Variants in TLL2 observed in about 807,000 individuals in gnomAD.
TLL2 encodes the protein tolloid like 2, also known as tolloid-like protein 2.
In TLL2, 106 loss-of-function variants were observed where a neutral mutation model predicts 123.0. That is an observed-to-expected ratio of 0.86 (90% confidence interval 0.74 to 1.01). The LOEUF (loss-of-function observed/expected upper bound fraction) is 1.01, where lower values mean the gene tolerates loss of function less well. Ranked by LOEUF, TLL2 falls within the 50% of genes least tolerant of loss-of-function variation. The pLI is 0.00. For synonymous variants in TLL2, 494 were observed against 516.8 expected (o/e 0.96, Z 0.60); for missense variants, 1,332 against 1,336.7 (o/e 1.00, Z 0.06).
intron 1 of TLL2, among the ~76,000 whole-genome samples, chr10:96,506,268 A>G (rs1339364162): frequency 1.6e-5 from 2 of 122,482 alleles, no homozygotes; most frequent in African/African-American, 5.9e-5. Flanking sequence ...AAAAAAAAGA[A>G]AAAAAAAAAA....
At chr10:96,410,303 C>T in intron 9 of TLL2, 56 bp downstream of exon 9, 1 of 1,334,822 alleles carries the variant, frequency 7.5e-7, no homozygotes, top group South Asian at 1.2e-5. Flanking sequence ...GAACTCCTCC[C>T]ACCTCACCCA....
intron 16 of TLL2, among the ~76,000 whole-genome samples, chr10:96,383,184 G>A (rs544808384): frequency 1.3e-5 from 2 of 152,322 alleles, no homozygotes; most frequent in East Asian, 3.9e-4. Flanking sequence ...ACGCTAAGGA[G>A]AATGGGCTTT....
chr10:96,416,984 G>A (rs1325280794), intron 7 of TLL2, among the ~76,000 whole-genome samples: 1 of 152,160 alleles, frequency 6.6e-6, no homozygotes, highest in Non-Finnish European at 1.5e-5. Flanking sequence ...CAAAGAGACC[G>A]CTCCCCACAG....
At chr10:96,476,240 A>ATATATATATATATATATTCT in intron 2 of TLL2, among the ~76,000 whole-genome samples, 8 of 20,490 alleles carry the variant, frequency 3.9e-4, no homozygotes, top group Admixed American at 1.0e-3. Flanking sequence ...ATATATATAT[A>ATATATATATATATATATTCT]TTTTATTTTT....
intron 3 of TLL2, among the ~76,000 whole-genome samples, chr10:96,433,910 G>A (rs774746902): frequency 7.9e-5 from 12 of 152,082 alleles, no homozygotes; most frequent in Non-Finnish European, 1.3e-4. Flanking sequence ...CGAGTAGTTG[G>A]TATAACAGGC....
chr10:96,417,650 G>A (rs905652637), intron 7 of TLL2, among the ~76,000 whole-genome samples: 9 of 152,152 alleles, frequency 5.9e-5, no homozygotes, highest in African/African-American at 2.2e-4. Context: ...TGCTCTCTTG[G>A]AACTGTGAGT....
chr10:96,488,899 A>G (rs1299626926), intron 1 of TLL2, among the ~76,000 whole-genome samples: 8 of 152,198 alleles, frequency 5.3e-5, no homozygotes, highest in African/African-American at 1.9e-4. Flanking sequence ...GATACTCTAA[A>G]TAAACCAAAG....
chr10:96,443,375 T>C (rs1270386855), intron 3 of TLL2, among the ~76,000 whole-genome samples: 3 of 152,158 alleles, frequency 2.0e-5, no homozygotes, highest in Non-Finnish European at 2.9e-5. Flanking sequence ...CACCATGCTA[T>C]GAAAAGTTTC....
chr10:96,379,925 A>G (rs897178811), intron 16 of TLL2, among the ~76,000 whole-genome samples: 8 of 152,232 alleles, frequency 5.3e-5, no homozygotes, highest in African/African-American at 1.9e-4. Flanking sequence ...CCTGGGCTCA[A>G]GTGCCGCGAC....
At chr10:96,476,170 A>T (rs1847242538) in intron 2 of TLL2, among the ~76,000 whole-genome samples, 1 of 147,940 alleles carries the variant, frequency 6.8e-6, no homozygotes, top group South Asian at 2.2e-4. Flanking sequence ...CTTCCCACAC[A>T]TTTGGAAGTA....
intron 1 of TLL2, among the ~76,000 whole-genome samples, chr10:96,500,160 A>AAAAAAAAAAAAAAAAAAAGC: frequency 1.2e-5 from 1 of 86,346 alleles, no homozygotes; most frequent in Non-Finnish European, 2.6e-5. Context: ...AAAAAAAAAA[A>AAAAAAAAAAAAAAAAAAAGC]TACAAAAATT....
chr10:96,432,080 T>C (rs1846748799), intron 4 of TLL2, among the ~76,000 whole-genome samples: 1 of 152,118 alleles, frequency 6.6e-6, no homozygotes, highest in Non-Finnish European at 1.5e-5. Flanking sequence ...TACAGGCCCA[T>C]GGTCAGGAAT....
chr10:96,466,041 G>T (rs761830013), intron 2 of TLL2, among the ~76,000 whole-genome samples: 5 of 152,200 alleles, frequency 3.3e-5, no homozygotes, highest in African/African-American at 1.2e-4. Context: ...AGGACCTCTC[G>T]CTTGAAGGGG....
rs753690086 is a variant in TLL2 at position 96,370,262 on chromosome 10, C to A, written c.2716G>T (p.Ala906Ser). ...EVQTKELYSH[A>S]QFGDNNYPSE... ...GGGTAGTTGTTGTCCCCAAACTGGGCGTGGGAATAGAGCTCTTTGGTCTGC... is the reference window on the plus strand; with the variant it reads ...GGGTAGTTGTTGTCCCCAAACTGGGAGTGGGAATAGAGCTCTTTGGTCTGC... Residue 906 changes from alanine (A) to serine (S), a missense_variant, in exon 20 of 21, where the codon GCC becomes TCC. Physicochemically the swap from Ala to Ser is moderately conservative, Grantham distance 99. Transcript: ENST00000357947. The A allele has an allele frequency of 3.1e-6, 5 of 1,610,982 alleles. No homozygotes were observed. Among genetic ancestry groups the A allele is most frequent in the Non-Finnish European group, 4.2e-6 (5 of 1,178,390 alleles).
chr10:96,406,808 C>T lies in TLL2; in HGVS notation c.1165-1474G>A, dbSNP rs189420055. Among the ~76,000 whole-genome samples, 4 of 152,286 alleles carry T rather than the reference C, an allele frequency of 2.6e-5. No individual in the cohort carries two copies. In the East Asian group the frequency reaches 7.7e-4, roughly 29 times the overall value. ...CCAGCCTCCTCCACTGTAGGAGATG[C>T]CATTGCCCCGATGGTCAAGGAGCCA... is the stretch of plus-strand genomic sequence containing the variant. On this transcript the variant is annotated intron_variant, in intron 9 of 20. Coordinates refer to ENST00000357947, the MANE Select transcript of TLL2 (RefSeq NM_012465.4).
At chr10:96,441,673 C>T (rs1190968316) in intron 3 of TLL2, among the ~76,000 whole-genome samples, 1 of 152,234 alleles carries the variant, frequency 6.6e-6, no homozygotes, top group African/African-American at 2.4e-5. Flanking sequence ...AGCCTCACTT[C>T]CTGCTGCAGG....
chr10:96,511,626 ACAGGCAAGCCTGCCT>A (rs1739114540), intron 1 of TLL2, among the ~76,000 whole-genome samples: 1 of 152,242 alleles, frequency 6.6e-6, no homozygotes, highest in African/African-American at 2.4e-5. Flanking sequence ...TGAGGCTGTA[ACAGGCAAGCCTGCCT>A]CAGGGTTATC....
rs1402810225 is a variant in TLL2 at position 96,420,975 on chromosome 10, C to G, written c.904G>C (p.Ala302Pro). The G allele has an allele frequency of 1.9e-6, 3 of 1,613,820 alleles. No individual in the cohort carries two copies. The highest frequency in any genetic ancestry group is 2.7e-5 in the African/African-American group (2 of 74,848). Residue 302 changes from alanine (A) to proline (P), a missense_variant, in exon 7 of 21, where the codon GCC (alanine) becomes CCC (proline). Coordinates refer to ENST00000357947, the MANE Select transcript of TLL2 (RefSeq NM_012465.4). ...TYDFDSIMHY[A>P]RNTFSRGVFL... ...TCCGACCTTGAGAAGGTGTTCCGGG[C>G]GTAGTGCATGATGCTGTCAAAGTCG...
At chr10:96,422,759 G>A (rs1235474760) in intron 5 of TLL2, 32 bp from the exon 6 acceptor site, 1 of 1,612,924 alleles carries the variant, frequency 6.2e-7, no homozygotes, top group East Asian at 2.2e-5. Flanking sequence ...CAGGTCAGCA[G>A]GTCAGAAGAC....
Sources: allele counts gnomAD v4.1 joint callset (sites outside exome capture counted in the v4.1 genomes callset), GRCh38; gene constraint gnomAD v4.1.1; transcripts MANE v1.5; gene names NCBI Gene and HGNC (gene_info 2026-07-23, HGNC 2026-07-21).